Variants in STXBP5 observed in about 807,000 individuals in gnomAD.
STXBP5 encodes the protein syntaxin-binding protein 5.
A neutral mutation model predicts 152.4 loss-of-function variants in STXBP5; 50 were observed. That is an observed-to-expected ratio of 0.33 (90% CI 0.26 to 0.42). The LOEUF (loss-of-function observed/expected upper bound fraction) is 0.42, where lower values mean the gene tolerates loss of function less well. STXBP5 is among the 10% of genes least tolerant of loss of function. The probability of loss-of-function intolerance (pLI) is 1.00; values close to 1 mark genes in which losing one functional copy is unlikely to be tolerated. For missense variants in STXBP5, 1,167 were observed against 1,388.6 expected, an observed-to-expected ratio of 0.84 and a Z score of 2.54; for synonymous variants, 492 against 494.7, an observed-to-expected ratio of 0.99 and a Z score of 0.07.
intron 2 of STXBP5, among the ~76,000 whole-genome samples, chr6:147,232,326 A>T (rs1430423291): frequency 2.6e-5 from 4 of 151,856 alleles, no homozygotes; most frequent in Non-Finnish European, 4.4e-5. Flanking sequence ...TGGGTGTAGC[A>T]AGTTTGCAGT....
intron 10 of STXBP5, among the ~76,000 whole-genome samples, chr6:147,310,718 T>A (rs759344825): frequency 3.9e-5 from 6 of 152,158 alleles, no homozygotes; most frequent in Non-Finnish European, 8.8e-5. Context: ...TATGTTGCAA[T>A]CTTGAGGCAC....
At chr6:147,275,240 G>A (rs1334106767) in intron 7 of STXBP5, among the ~76,000 whole-genome samples, 1 of 152,036 alleles carries the variant, frequency 6.6e-6, no homozygotes, top group Non-Finnish European at 1.5e-5. Context: ...ACTGATGTCA[G>A]ACTCTTAATT....
At chr6:147,287,752 T>C (rs1224186969) in intron 8 of STXBP5, among the ~76,000 whole-genome samples, 1 of 152,222 alleles carries the variant, frequency 6.6e-6, no homozygotes, top group Admixed American at 6.5e-5. Flanking sequence ...ACATATGCCA[T>C]AGGAATTGGT....
intron 4 of STXBP5, among the ~76,000 whole-genome samples, chr6:147,256,189 T>G (rs1417050721): frequency 6.6e-6 from 1 of 152,202 alleles, no homozygotes; most frequent in East Asian, 1.9e-4. Context: ...AACACTGTGT[T>G]TGGTCCCCAC....
At chr6:147,370,144 G>GA (rs1785474539) in intron 25 of STXBP5, among the ~76,000 whole-genome samples, 1 of 151,860 alleles carries the variant, frequency 6.6e-6, no homozygotes, top group Non-Finnish European at 1.5e-5. Flanking sequence ...AAGGAGCCAA[G>GA]AAAAAGAGTA....
chr6:147,306,824 G>A (rs533717886), intron 9 of STXBP5, among the ~76,000 whole-genome samples: 21 of 152,232 alleles, frequency 1.4e-4, no homozygotes, highest in Admixed American at 7.2e-4. Context: ...GACTGTCCTC[G>A]TCATGCTGTC....
intron 2 of STXBP5, among the ~76,000 whole-genome samples, chr6:147,207,929 T>G (rs1159412104): frequency 6.6e-6 from 1 of 152,190 alleles, no homozygotes; most frequent in African/African-American, 2.4e-5. Context: ...ACCAGATTCT[T>G]AGACAACACT....
chr6:147,287,449 G>A lies in STXBP5; in HGVS notation c.839-3645G>A, dbSNP rs574888921. On this transcript the variant is annotated intron_variant, in intron 8 of 27. Transcript: ENST00000321680. ...GATCTCCTGACCTCGTGATCCGCCC[G>A]CCTCGGCCTCCCAAAGTGCTGGGAT... 4.0e-3 allele frequency among the ~76,000 whole-genome samples: 615 copies of A among 151,934 alleles called. 4 individuals are homozygous for A. Among genetic ancestry groups the A allele is most frequent in the African/African-American group, 0.014 (588 of 41,420 alleles).
chr6:147,290,104 A>G (rs1040233360), intron 8 of STXBP5, among the ~76,000 whole-genome samples: 1 of 152,248 alleles, frequency 6.6e-6, no homozygotes, highest in Admixed American at 6.5e-5. Flanking sequence ...ATTACTTGAG[A>G]GGCTGAGATG....
intron 26 of STXBP5, among the ~76,000 whole-genome samples, chr6:147,374,163 T>C (rs1423680960): frequency 6.6e-6 from 1 of 152,222 alleles, no homozygotes; most frequent in African/African-American, 2.4e-5. Context: ...ACCTTAACTT[T>C]GAAAAAGTTT....
At chr6:147,231,821 T>C (rs1778021464) in intron 2 of STXBP5, among the ~76,000 whole-genome samples, 1 of 151,848 alleles carries the variant, frequency 6.6e-6, no homozygotes, top group African/African-American at 2.4e-5. Context: ...TGTTTGACTA[T>C]TTCTTAATAA....
At chr6:147,226,423 A>T (rs75498064) in intron 2 of STXBP5, among the ~76,000 whole-genome samples, 2,727 of 152,318 alleles carry the variant, frequency 0.018, 83 homozygotes, top group African/African-American at 0.063. Flanking sequence ...TAAAAAGAGC[A>T]GATTACCACG....
chr6:147,302,206 A>G (rs1275338212), intron 9 of STXBP5, among the ~76,000 whole-genome samples: 1 of 152,128 alleles, frequency 6.6e-6, no homozygotes, highest in Non-Finnish European at 1.5e-5. Flanking sequence ...TAGCACCTAC[A>G]AAATGATTTC....
In STXBP5 at chr6:147,278,155, A is replaced by G. The variant is rs761594731; in HGVS notation, c.789A>G (p.Ile263Met). Reference protein sequence around the residue: ...ICSHSDGTLTIWNVRSPAKPV... With the variant: ...ICSHSDGTLTMWNVRSPAKPV... ...GTCATTCAGATGGCACCTTGACTATATGGAATGTAAGGTCCCCTGCTAAAC... is the reference window on the plus strand; with the variant it reads ...GTCATTCAGATGGCACCTTGACTATGTGGAATGTAAGGTCCCCTGCTAAAC... Residue 263 changes from isoleucine to methionine, a missense_variant, in exon 8 of 28, where the codon ATA becomes ATG. By Grantham distance (10) the Ile-to-Met change is conservative. Around this residue, in one of 3 missense-constraint regions of STXBP5, gnomAD observed 310 missense variants for 346.1 expected, o/e 0.90. Coordinates refer to ENST00000321680, the MANE Select transcript of STXBP5 (RefSeq NM_001127715.4). 3 of 1,612,840 alleles carry G rather than the reference A, an allele frequency of 1.9e-6. No homozygotes were observed. The highest frequency in any genetic ancestry group is 4.5e-5 in the East Asian group (2 of 44,746).
intron 23 of STXBP5, 85 bp downstream of exon 23, chr6:147,359,408 C>A: frequency 6.8e-7 from 1 of 1,479,726 alleles, no homozygotes; most frequent in Non-Finnish European, 9.0e-7. Context: ...TTGAATTGAT[C>A]TAAGAATTCC....
At chr6:147,358,193 T>G (rs1168618084) in intron 22 of STXBP5, among the ~76,000 whole-genome samples, 3 of 151,494 alleles carry the variant, frequency 2.0e-5, no homozygotes, top group Admixed American at 2.0e-4. Flanking sequence ...GATTAAAGGT[T>G]TTTATTTGGG....
chr6:147,301,033 A>C (rs1322987854), intron 9 of STXBP5, among the ~76,000 whole-genome samples: 1 of 152,122 alleles, frequency 6.6e-6, no homozygotes, highest in East Asian at 1.9e-4. Context: ...CAAATGACCA[A>C]TCAGGCATAT....
chr6:147,323,152 T>C (rs1195484078), intron 16 of STXBP5, among the ~76,000 whole-genome samples: 1 of 151,468 alleles, frequency 6.6e-6, no homozygotes, highest in Non-Finnish European at 1.5e-5. Flanking sequence ...TCAGTAAATA[T>C]TGAGTACCTC....
intron 2 of STXBP5, among the ~76,000 whole-genome samples, chr6:147,210,976 G>T (rs750496307): frequency 3.9e-5 from 6 of 152,144 alleles, no homozygotes; most frequent in Non-Finnish European, 7.4e-5. Context: ...TTGAGGAAAA[G>T]ATACTGAAAA....
Sources: allele counts gnomAD v4.1 joint callset (sites outside exome capture counted in the v4.1 genomes callset), GRCh38; gene constraint gnomAD v4.1.1; regional missense constraint gnomAD v4.1.1; transcripts MANE v1.5; gene names NCBI Gene and HGNC (gene_info 2026-07-23, HGNC 2026-07-21).